EIF3E: variants seen among roughly 807,000 people sequenced by gnomAD.
The protein encoded by EIF3E is eukaryotic translation initiation factor 3 subunit E, also known as eIF-3 p48.
Under a neutral mutation model 59.3 loss-of-function variants are expected in EIF3E, and 25 were observed. That is an observed-to-expected ratio of 0.42 (90% confidence interval 0.31 to 0.59). The LOEUF is 0.59. Ranked by LOEUF, EIF3E falls within the 20% of genes least tolerant of loss-of-function variation. EIF3E has a pLI of 0.15. For missense variants in EIF3E, 317 were observed against 534.3 expected (o/e 0.59, Z 4.01); for synonymous variants, 176 against 170.2 (o/e 1.03, Z -0.26).
chr8:108,218,897 C>G (rs1815354630), intron 7 of EIF3E, among the ~76,000 whole-genome samples: 1 of 150,456 alleles, frequency 6.6e-6, no homozygotes, highest in South Asian at 2.1e-4. Context: ...GATTCTCCTG[C>G]CTCAGCCTCC....
chr8:108,202,508 T>C (rs1815013599), intron 12 of EIF3E, among the ~76,000 whole-genome samples: 1 of 152,030 alleles, frequency 6.6e-6, no homozygotes. Context: ...TCTATCAAAA[T>C]GGGAGATTAA....
At chr8:108,208,860 T>C (rs1211059378) in intron 10 of EIF3E, among the ~76,000 whole-genome samples, 1 of 152,070 alleles carries the variant, frequency 6.6e-6, no homozygotes, top group Non-Finnish European at 1.5e-5. Flanking sequence ...TTCAGACACA[T>C]ACCATAGCTG....
chr8:108,236,246 A>G, intron 3 of EIF3E, 43 bp from the exon 4 acceptor site: 1 of 1,524,902 alleles, frequency 6.6e-7, no homozygotes, highest in Non-Finnish European at 9.0e-7. Context: ...TAAAGGCCAC[A>G]GAAAACAAAA....
chr8:108,235,250 T>C (rs558772873), intron 4 of EIF3E, 148 bp from the exon 5 acceptor site: 2 of 484,794 alleles, frequency 4.1e-6, no homozygotes, highest in African/African-American at 2.0e-5. Context: ...TCTCTGATTA[T>C]GGTATTTATT....
chr8:108,230,074 A>G (rs676654), intron 5 of EIF3E, among the ~76,000 whole-genome samples: 98,076 of 152,058 alleles, frequency 0.64, 32,610 homozygotes, highest in African/African-American at 0.82. Flanking sequence ...TGCTAAAGCA[A>G]TAGAAGCAAG....
chr8:108,229,693 A>G (rs1563633962), intron 5 of EIF3E, among the ~76,000 whole-genome samples: 1 of 152,292 alleles, frequency 6.6e-6, no homozygotes, highest in Admixed American at 6.5e-5. Context: ...GACAGGAAAA[A>G]AGCAGGCCCA....
intron 10 of EIF3E, among the ~76,000 whole-genome samples, chr8:108,210,273 A>G (rs1236944322): frequency 6.6e-6 from 1 of 152,214 alleles, no homozygotes; most frequent in Non-Finnish European, 1.5e-5. Flanking sequence ...GCTGACTGCA[A>G]AAGAATCACC....
At chr8:108,204,714 C>T (rs73304551) in intron 10 of EIF3E, among the ~76,000 whole-genome samples, 3,483 of 121,688 alleles carry the variant, frequency 0.029, 135 homozygotes, top group African/African-American at 0.086. Flanking sequence ...GAGCTATATA[C>T]TATATATAGT....
At position 108,242,442 on chromosome 8, in the gene EIF3E, T is replaced by C. The variant is rs949031325; in HGVS notation, c.91-529A>G. On this transcript the variant is annotated intron_variant, in intron 1 of 12. Coordinates refer to ENST00000220849, the MANE Select transcript of EIF3E (RefSeq NM_001568.3). ...TTTAACCTATAGTACAGGGAGCAAATAGATACATATACACAAACTCACAAC... is the reference window on the plus strand; with the variant it reads ...TTTAACCTATAGTACAGGGAGCAAACAGATACATATACACAAACTCACAAC... The C allele has an allele frequency of 8.5e-6, 11 of 1,288,520 alleles. No individual in the cohort carries two copies. The African/African-American group carries it at 1.1e-4, about 12-fold the overall frequency. 79.8% of individuals were successfully genotyped at this position (1,288,520 alleles called of 1,614,324 possible). A position where few individuals can be genotyped will look rare whatever the true frequency, so the allele number is the denominator to read the frequency against.
At chr8:108,207,205 A>T (rs1815117297) in intron 10 of EIF3E, among the ~76,000 whole-genome samples, 1 of 152,082 alleles carries the variant, frequency 6.6e-6, no homozygotes, top group Admixed American at 6.5e-5. Flanking sequence ...CAAATGATTA[A>T]TAGGCCTGTA....
At chr8:108,217,496 C>A in intron 7 of EIF3E, 36 bp from the exon 8 acceptor site, 1 of 1,535,462 alleles carries the variant, frequency 6.5e-7, no homozygotes, top group South Asian at 1.2e-5. Flanking sequence ...AATAACTTAC[C>A]CAGGGTGAGA....
At chr8:108,205,242 G>A (rs1244433082) in intron 10 of EIF3E, among the ~76,000 whole-genome samples, 1 of 152,032 alleles carries the variant, frequency 6.6e-6, no homozygotes, top group African/African-American at 2.4e-5. Context: ...AAGGTAGACC[G>A]TATACATGTA....
At chr8:108,236,273 C>T in intron 3 of EIF3E, 70 bp from the exon 4 acceptor site, 1 of 1,222,704 alleles carries the variant, frequency 8.2e-7, no homozygotes, top group Non-Finnish European at 1.2e-6. Flanking sequence ...TATCCAACTT[C>T]TAAGTTATTA....
chr8:108,225,044 A>G (rs1006200778), intron 7 of EIF3E, among the ~76,000 whole-genome samples: 11 of 151,598 alleles, frequency 7.3e-5, no homozygotes, highest in Non-Finnish European at 2.9e-5. Flanking sequence ...TGCTGTATAC[A>G]CACTTCACTG....
chr8:108,216,045 C>T (rs1486590930), intron 9 of EIF3E, among the ~76,000 whole-genome samples: 1 of 152,122 alleles, frequency 6.6e-6, no homozygotes, highest in Non-Finnish European at 1.5e-5. Context: ...TTCAAAGTGA[C>T]CTTGCCTGTA....
chr8:108,221,144 G>T (rs534363283), intron 7 of EIF3E, among the ~76,000 whole-genome samples: 1 of 152,026 alleles, frequency 6.6e-6, no homozygotes, highest in Admixed American at 6.6e-5. Flanking sequence ...GAAAAGAAAA[G>T]AACCCCTCAG....
rs1295275618 is a variant in EIF3E at position 108,241,899 on chromosome 8, C to G, written c.105G>C (p.Lys35Asn). The change falls in exon 2 of 13, where the codon AAG becomes AAC. Residue 35 changes from lysine to asparagine, a missense_variant. Around this residue, in one of 4 missense-constraint regions of EIF3E, gnomAD observed 242 missense variants for 398.0 expected, o/e 0.61. Coordinates refer to ENST00000220849, the MANE Select transcript of EIF3E (RefSeq NM_001568.3). ...GGTCCAATTTACCTTGTAATAATTC[C>G]TTTTCATTATATATCTGCAAAAGAA... ...FLSVKEIYNEKELLQGKLDLL... is the reference protein window; with the variant it reads ...FLSVKEIYNENELLQGKLDLL... 6.3e-7 allele frequency: 1 copy of G among 1,583,772 alleles called. No homozygotes were observed. Among genetic ancestry groups the G allele is most frequent in the Non-Finnish European group, 8.6e-7 (1 of 1,166,168 alleles).
chr8:108,239,176 G>C (rs929653050), intron 3 of EIF3E, among the ~76,000 whole-genome samples: 1 of 151,970 alleles, frequency 6.6e-6, no homozygotes, highest in African/African-American at 2.4e-5. Flanking sequence ...CCAAGCACAG[G>C]GTTTCTTTTT....
At chr8:108,226,038 T>C (rs1473089870) in intron 7 of EIF3E, among the ~76,000 whole-genome samples, 1 of 152,176 alleles carries the variant, frequency 6.6e-6, no homozygotes, top group Non-Finnish European at 1.5e-5. Flanking sequence ...CAAGTAACAT[T>C]CTTTCATTAT....
Sources: gnomAD v4.1 joint callset for allele counts (sites outside exome capture counted in the v4.1 genomes callset) on GRCh38, gnomAD v4.1.1 for gene constraint, gnomAD v4.1.1 regional missense constraint, MANE v1.5 for transcripts, NCBI Gene and HGNC (gene_info 2026-07-23, HGNC 2026-07-21) for gene names.